RGS17: variants seen among roughly 807,000 people sequenced by gnomAD.
The protein encoded by RGS17 is regulator of G-protein signaling 17.
Under a neutral mutation model 25.5 loss-of-function variants are expected in RGS17, and 12 were observed. The observed-to-expected ratio is 0.47, with a 90% CI of 0.30 to 0.76. RGS17 has a LOEUF of 0.76. Ranked by LOEUF, RGS17 falls within the 30% of genes least tolerant of loss-of-function variation. RGS17 has a pLI of 0.07. For missense variants in RGS17, 196 were observed against 242.2 expected, an observed-to-expected ratio of 0.81 and a Z score of 1.27; for synonymous variants, 71 against 76.9, an observed-to-expected ratio of 0.92 and a Z score of 0.40.
rs1306508681 is a variant in RGS17, at chr6:153,006,679, T to G, written c.*4895A>C. 1 of 152,240 alleles carries G rather than the reference T, an allele frequency of 6.6e-6. No homozygotes were observed. The highest frequency in any genetic ancestry group is 2.4e-5 in the African/African-American group (1 of 41,450). 9.4% of individuals were successfully genotyped at this position (152,240 alleles called of 1,614,324 possible). A position where few individuals can be genotyped will look rare whatever the true frequency, so the allele number is the denominator to read the frequency against. On this transcript the variant is annotated 3_prime_UTR_variant, in exon 5 of 5. Coordinates refer to ENST00000206262, the MANE Select transcript of RGS17 (RefSeq NM_012419.5). ...ATTTAATACAAGTATACAATAACAA[T>G]TATTGACGTGATGCACTTTGATAAA...
chr6:153,018,639 C>T (rs1489463454), intron 4 of RGS17, among the ~76,000 whole-genome samples: 1 of 152,108 alleles, frequency 6.6e-6, no homozygotes, highest in East Asian at 1.9e-4. Context: ...ACTTCTATTC[C>T]ATCTAATTCA....
At chr6:153,040,813 C>T (rs1228251580) in intron 2 of RGS17, among the ~76,000 whole-genome samples, 2 of 151,796 alleles carry the variant, frequency 1.3e-5, no homozygotes, top group Non-Finnish European at 2.9e-5. Flanking sequence ...ACAATATAGT[C>T]ATAATTAAAA....
rs954404898 is a variant in RGS17 at position 153,005,669 on chromosome 6, A to G, written c.*5905T>C. On this transcript the variant is annotated 3_prime_UTR_variant, in exon 5 of 5. Coordinates refer to ENST00000206262, the MANE Select transcript of RGS17 (RefSeq NM_012419.5). ...AAAAACCTGTGTCTAGTCACGAGAAAAACATCAGACGAATCCCCATAGAAG... is the reference window on the plus strand; with the variant it reads ...AAAAACCTGTGTCTAGTCACGAGAAGAACATCAGACGAATCCCCATAGAAG... 1.3e-5 allele frequency: 2 copies of G among 152,220 alleles called. No individual in the cohort carries two copies. The highest frequency in any genetic ancestry group is 6.5e-5 in the Admixed American group (1 of 15,286). 9.4% of individuals were successfully genotyped at this position (152,220 alleles called of 1,614,324 possible).
At chr6:153,076,923 G>C (rs183663492) in intron 1 of RGS17, among the ~76,000 whole-genome samples, 125 of 152,264 alleles carry the variant, frequency 8.2e-4, no homozygotes, top group African/African-American at 2.8e-3. Context: ...ATGAGAGACT[G>C]AGAACAAAAC....
In RGS17 at chr6:153,130,417, T is replaced by C. The variant is rs1383067970; in HGVS notation, c.-26+707A>G. On this transcript the variant is annotated intron_variant, in intron 1 of 4. Coordinates refer to ENST00000206262, the MANE Select transcript of RGS17 (RefSeq NM_012419.5). The surrounding 1 kb of genome is among the most constrained non-coding windows in gnomAD (Gnocchi z 6.4). Reference sequence around the variant, plus strand: ...CCGCGCCGCACACGCCAGGACTCCCTTTCCTTTGACTAAGGGGAGGGGAAG... The same window carrying C: ...CCGCGCCGCACACGCCAGGACTCCCCTTCCTTTGACTAAGGGGAGGGGAAG... 6.6e-6 allele frequency among the ~76,000 whole-genome samples: 1 copy of C among 151,574 alleles called. No homozygotes were observed. Among genetic ancestry groups the C allele is most frequent in the Non-Finnish European group, 1.5e-5 (1 of 67,910 alleles).
intron 3 of RGS17, 74 bp from the exon 4 acceptor site, chr6:153,024,570 A>G: frequency 7.2e-6 from 8 of 1,104,352 alleles, no homozygotes; most frequent in Non-Finnish European, 1.1e-5. Flanking sequence ...TAAGGAGAGG[A>G]GCAGATAGAA....
rs534795340 is a variant in RGS17, at chr6:153,078,115, T to G, written c.-25-34072A>C. 5.3e-4 allele frequency among the ~76,000 whole-genome samples: 81 copies of G among 152,182 alleles called. 1 individual carries two copies. The highest frequency in any genetic ancestry group is 1.9e-3 in the African/African-American group (77 of 41,540). On this transcript the variant is annotated intron_variant, in intron 1 of 4. Transcript: ENST00000206262. ...TCTCGAACTCCTGACCTCAGGTGAT[T>G]TGCCTGCCTTGGCCTCCCAAAGTGC...
At chr6:153,119,834 T>C (rs1172439949) in intron 1 of RGS17, among the ~76,000 whole-genome samples, 1 of 152,232 alleles carries the variant, frequency 6.6e-6, no homozygotes, top group Non-Finnish European at 1.5e-5. Flanking sequence ...ACTGCACATA[T>C]TATCTCTCCA....
At chr6:153,115,935 A>C (rs566663680) in intron 1 of RGS17, among the ~76,000 whole-genome samples, 2 of 152,362 alleles carry the variant, frequency 1.3e-5, no homozygotes, top group African/African-American at 4.8e-5. Context: ...AGATAGATTA[A>C]AGACTTAAAC....
intron 1 of RGS17, among the ~76,000 whole-genome samples, chr6:153,054,092 T>TTATATATATATA (rs1199437911): frequency 2.4e-5 from 1 of 42,102 alleles, no homozygotes; most frequent in African/African-American, 1.2e-4. Flanking sequence ...ACAATATTTT[T>TTATATATATATA]TATATATATA....
At chr6:153,124,695 T>A (rs1201124546) in intron 1 of RGS17, among the ~76,000 whole-genome samples, 1 of 152,196 alleles carries the variant, frequency 6.6e-6, no homozygotes, top group Non-Finnish European at 1.5e-5. Flanking sequence ...TCCACCAAAT[T>A]ACATTCTCTG....
At chr6:153,095,861 A>G (rs574531068) in intron 1 of RGS17, among the ~76,000 whole-genome samples, 1 of 152,380 alleles carries the variant, frequency 6.6e-6, no homozygotes, top group African/African-American at 2.4e-5. Flanking sequence ...AATTCAAAGC[A>G]GCTTCAGCTT....
chr6:153,028,898 T>C (rs941771182), intron 2 of RGS17, among the ~76,000 whole-genome samples: 1 of 152,220 alleles, frequency 6.6e-6, no homozygotes, highest in African/African-American at 2.4e-5. Flanking sequence ...TTCATTTCAT[T>C]AAACATCTTT....
At chr6:153,126,326 G>C (rs557729156) in intron 1 of RGS17, among the ~76,000 whole-genome samples, 1 of 152,226 alleles carries the variant, frequency 6.6e-6, no homozygotes, top group African/African-American at 2.4e-5. Context: ...AGGTGTTTGT[G>C]AGCAAATTGT....
rs939054742 is a variant in RGS17 at position 153,130,511 on chromosome 6, C to T, written c.-26+613G>A. Among the ~76,000 whole-genome samples the T allele has an allele frequency of 6.6e-6, 1 of 150,446 alleles. No individual in the cohort carries two copies. The highest frequency in any genetic ancestry group is 2.5e-5 in the African/African-American group (1 of 40,694). On this transcript the variant is annotated intron_variant, in intron 1 of 4. Transcript: ENST00000206262. This position sits in a 1 kb window ranked among gnomAD's most constrained non-coding sequence, Gnocchi z 6.4. Reference sequence around the variant, plus strand: ...ACACACACACACACACACACACACCCCTCCGGTATTTTACTGCTGGTCAAA... The same window carrying T: ...ACACACACACACACACACACACACCTCTCCGGTATTTTACTGCTGGTCAAA...
In RGS17 at chr6:153,113,790, C is replaced by T. The variant is rs556868161; in HGVS notation, c.-26+17334G>A. 9.5e-4 allele frequency among the ~76,000 whole-genome samples: 145 copies of T among 152,270 alleles called. 1 individual carries two copies. Among genetic ancestry groups the T allele is most frequent in the African/African-American group, 3.3e-3 (138 of 41,554 alleles). ...ATTAAGAAACTCACTCCAAACCGCT[C>T]AACTACATGGAAACTGAACAACCTG... On this transcript the variant is annotated intron_variant, in intron 1 of 4. Coordinates refer to ENST00000206262, the MANE Select transcript of RGS17 (RefSeq NM_012419.5).
intron 1 of RGS17, among the ~76,000 whole-genome samples, chr6:153,069,427 A>G (rs139196781): frequency 1.7e-4 from 26 of 152,066 alleles, no homozygotes; most frequent in African/African-American, 5.8e-4. Context: ...GGACACAGAG[A>G]GTAGAGGGAT....
rs559734710 is a variant in RGS17 at position 153,076,807 on chromosome 6, G to A, written c.-25-32764C>T. ...ACTAAATAGGGGAATACAAGGCTTC[G>A]TCTTACAGAAAAGTGCGAGCTAATG... On this transcript the variant is annotated intron_variant, in intron 1 of 4. Transcript: ENST00000206262. Among the ~76,000 whole-genome samples the A allele has an allele frequency of 1.6e-4, 25 of 152,194 alleles. No individual in the cohort carries two copies. The South Asian group carries it at 2.7e-3, about 16-fold the overall frequency.
chr6:153,053,920 TATATGTATATATATGTATATATAATA>T (rs1776497515), intron 1 of RGS17, among the ~76,000 whole-genome samples: 1 of 66,000 alleles, frequency 1.5e-5, no homozygotes, highest in Non-Finnish European at 2.5e-5. Context: ...ACATTATATA[TATATGTATATATATGTATATATAATA>T]TATATACATA....
Sources: allele counts gnomAD v4.1 joint callset (sites outside exome capture counted in the v4.1 genomes callset), GRCh38; gene constraint gnomAD v4.1.1; non-coding constraint Gnocchi (gnomAD v3.1); transcripts MANE v1.5; gene names NCBI Gene and HGNC (gene_info 2026-07-23, HGNC 2026-07-21).